TTC39B: variants seen among roughly 807,000 people sequenced by gnomAD.
TTC39B encodes the protein tetratricopeptide repeat domain 39B.
TTC39B carries 92 observed loss-of-function variants against 96.6 expected under a neutral mutation model. The observed-to-expected ratio is 0.95, with a 90% CI of 0.80 to 1.13. The LOEUF (loss-of-function observed/expected upper bound fraction) is 1.13, where lower values mean the gene tolerates loss of function less well. TTC39B is among the 50% of genes most tolerant of loss of function. The probability of loss-of-function intolerance (pLI) is 0.00; values close to 1 mark genes in which losing one functional copy is unlikely to be tolerated. For missense variants in TTC39B, 955 were observed against 809.3 expected (o/e 1.18, Z -2.18); for synonymous variants, 367 against 299.4 (o/e 1.23, Z -2.33).
intron 1 of TTC39B, among the ~76,000 whole-genome samples, chr9:15,289,449 C>T (rs531728075): frequency 5.9e-5 from 9 of 152,228 alleles, no homozygotes; most frequent in East Asian, 1.9e-4. Context: ...CAGAGCTGCA[C>T]ACAGCCACTA....
chr9:15,295,151 T>A (rs1206207991), intron 1 of TTC39B, among the ~76,000 whole-genome samples: 1 of 152,000 alleles, frequency 6.6e-6, no homozygotes, highest in African/African-American at 2.4e-5. Context: ...CCCCAGAAGG[T>A]CAGAAGTTTG....
At position 15,242,427 on chromosome 9, in the gene TTC39B, C is replaced by T. The variant is rs543479092; in HGVS notation, c.276-16415G>A. 1.1e-4 allele frequency among the ~76,000 whole-genome samples: 17 copies of T among 152,048 alleles called. 1 individual carries two copies. The highest frequency in any genetic ancestry group is 4.6e-4 in the Admixed American group (7 of 15,262). Reference sequence around the variant, plus strand: ...GGAGACCCCATCTCTACAAAAAATACGAAAAATCAGCCAGGCCTGGTGGTG... The same window carrying T: ...GGAGACCCCATCTCTACAAAAAATATGAAAAATCAGCCAGGCCTGGTGGTG... On this transcript the variant is annotated intron_variant, in intron 2 of 19. Coordinates refer to ENST00000512701, the Ensembl canonical transcript of TTC39B.
At chr9:15,233,979 T>G (rs1586929935) in intron 2 of TTC39B, among the ~76,000 whole-genome samples, 1 of 143,234 alleles carries the variant, frequency 7.0e-6, no homozygotes, top group Admixed American at 6.9e-5. Context: ...GCCCATCGTC[T>G]GAGATGTGGG....
chr9:15,200,788 T>C (rs2131306212), intron 7 of TTC39B, among the ~76,000 whole-genome samples: 1 of 152,298 alleles, frequency 6.6e-6, no homozygotes, highest in East Asian at 1.9e-4. Flanking sequence ...ATCACCAGGT[T>C]AGGAGATCAA....
intron 3 of TTC39B, among the ~76,000 whole-genome samples, chr9:15,220,553 T>C (rs1170593542): frequency 6.6e-6 from 1 of 152,030 alleles, no homozygotes; most frequent in African/African-American, 2.4e-5. Context: ...AAAATGCAGA[T>C]GTAAAAGGTA....
chr9:15,304,169 T>C (rs2131627668), intron 1 of TTC39B, among the ~76,000 whole-genome samples: 1 of 152,258 alleles, frequency 6.6e-6, no homozygotes, highest in East Asian at 1.9e-4. Context: ...GGTAACCAAC[T>C]AAAATGACTT....
In TTC39B at chr9:15,177,842, CACACAAAG is replaced by C; in HGVS notation, c.1724-36_1724-29del. 3 of 1,238,714 alleles carry C rather than the reference CACACAAAG, an allele frequency of 2.4e-6. No individual in the cohort carries two copies. In the African/African-American group the frequency reaches 4.9e-5, roughly 20 times the overall value. 76.7% of individuals were successfully genotyped at this position (1,238,714 alleles called of 1,614,324 possible). ...TAAAACAAAAAACATACAAAGAAAA[CACACAAAG>C]AAAAATACTTTTTAAGATCTTTTTT... On this transcript the variant is annotated intron_variant, in intron 17 of 19. Transcript: ENST00000512701.
At chr9:15,177,667 A>C (rs770260714) in intron 18 of TTC39B, 30 bp downstream of exon 18, 22 of 1,477,128 alleles carry the variant, frequency 1.5e-5, no homozygotes. Context: ...CACAATTTGC[A>C]CTTGGGCTGG....
intron 18 of TTC39B, 93 bp from the exon 19 acceptor site, chr9:15,175,228 G>A: frequency 1.2e-6 from 1 of 860,958 alleles, no homozygotes. Flanking sequence ...CAGAAAACAT[G>A]TGCAGCACTA....
chr9:15,167,509 T>G (rs1299826845), exon 20 of TTC39B: 1 of 152,192 alleles, frequency 6.6e-6, no homozygotes, highest in African/African-American at 2.4e-5. Context: ...TCCCAGCACT[T>G]TGGGAGGCCA....
chr9:15,182,488 G>C, intron 16 of TTC39B, 73 bp from the exon 17 acceptor site: 1 of 1,030,726 alleles, frequency 9.7e-7, no homozygotes, highest in Non-Finnish European at 1.4e-6. Flanking sequence ...CCCAAACAAT[G>C]TTCATGTGTT....
chr9:15,185,052 T>C (rs997520432), intron 16 of TTC39B, among the ~76,000 whole-genome samples: 4 of 152,248 alleles, frequency 2.6e-5, no homozygotes, highest in Non-Finnish European at 5.9e-5. Flanking sequence ...AATAAAATGA[T>C]ACGTTTTTAG....
At chr9:15,223,722 TA>T (rs1177650019) in intron 3 of TTC39B, among the ~76,000 whole-genome samples, 3 of 151,932 alleles carry the variant, frequency 2.0e-5, no homozygotes, top group Non-Finnish European at 2.9e-5. Flanking sequence ...GTTTAGTTTT[TA>T]AAAAGAAAAA....
At chr9:15,231,116 T>A (rs1486533579) in intron 2 of TTC39B, among the ~76,000 whole-genome samples, 2 of 152,234 alleles carry the variant, frequency 1.3e-5, no homozygotes, top group Non-Finnish European at 2.9e-5. Context: ...AACTTTATGT[T>A]TGACATTTTG....
chr9:15,211,481 T>A, intron 4 of TTC39B, 84 bp from the exon 5 acceptor site: 22 of 1,174,966 alleles, frequency 1.9e-5, no homozygotes, highest in Non-Finnish European at 2.4e-5. Context: ...ATGTCCTGAC[T>A]TGCACAGTAA....
intron 1 of TTC39B, among the ~76,000 whole-genome samples, chr9:15,281,419 C>A (rs1169118690): frequency 6.6e-6 from 1 of 151,996 alleles, no homozygotes; most frequent in Non-Finnish European, 1.5e-5. Context: ...AGTTGTGTGT[C>A]CAAATACTGG....
intron 1 of TTC39B, among the ~76,000 whole-genome samples, chr9:15,304,888 T>C (rs760986846): frequency 6.6e-6 from 1 of 152,042 alleles, no homozygotes; most frequent in Admixed American, 6.5e-5. Context: ...TTTACACACA[T>C]AAGTGATGAA....
At chr9:15,236,425 A>T (rs112076021) in intron 2 of TTC39B, among the ~76,000 whole-genome samples, 8,948 of 152,268 alleles carry the variant, frequency 0.059, 327 homozygotes, top group South Asian at 0.071. Context: ...CGAGGCAGAA[A>T]ATCAACAAAG....
intron 3 of TTC39B, among the ~76,000 whole-genome samples, chr9:15,219,789 G>A (rs1285800761): frequency 6.6e-6 from 1 of 152,198 alleles, no homozygotes; most frequent in Admixed American, 6.5e-5. Context: ...GGGAAAGAGG[G>A]TGCAGAAAAG....
Sources: allele counts gnomAD v4.1 joint callset (sites outside exome capture counted in the v4.1 genomes callset), GRCh38; gene constraint gnomAD v4.1.1; transcripts MANE v1.5; gene names NCBI Gene and HGNC (gene_info 2026-07-23, HGNC 2026-07-21).